Variants in RAD51B observed in about 807,000 individuals in gnomAD.
RAD51B encodes RAD51 paralog B.
In RAD51B, 38 loss-of-function variants were observed where a neutral mutation model predicts 42.2. The ratio of observed to expected loss-of-function variants is 0.90; its 90% confidence interval spans 0.70 to 1.18. The LOEUF (loss-of-function observed/expected upper bound fraction) is 1.18, where lower values mean the gene tolerates loss of function less well. Among genes scored for constraint, RAD51B ranks in the 50% most tolerant of loss-of-function variants. The pLI is 0.00. For missense variants in RAD51B, 373 were observed against 400.7 expected (o/e 0.93, Z 0.59); for synonymous variants, 154 against 145.2 (o/e 1.06, Z -0.43).
chr14:67,835,510 T>TATAC (rs1271323508), intron 4 of RAD51B, among the ~76,000 whole-genome samples: 1 of 151,760 alleles, frequency 6.6e-6, no homozygotes, highest in East Asian at 1.9e-4. Flanking sequence ...ATATGTTATA[T>TATAC]ATACATACAT....
chr14:67,929,799 T>C (rs2140153908), intron 7 of RAD51B, among the ~76,000 whole-genome samples: 1 of 151,856 alleles, frequency 6.6e-6, no homozygotes, highest in South Asian at 2.1e-4. Flanking sequence ...TGTCTTTCTG[T>C]GTCTTTTTTT....
chr14:68,276,935 G>C (rs955737174), intron 7 of RAD51B, among the ~76,000 whole-genome samples: 1 of 152,174 alleles, frequency 6.6e-6, no homozygotes, highest in African/African-American at 2.4e-5. Context: ...AAAGGATGTC[G>C]GGGAGCAGGT....
intron 7 of RAD51B, among the ~76,000 whole-genome samples, chr14:68,257,202 G>A (rs2139524816): frequency 6.6e-6 from 1 of 152,268 alleles, no homozygotes; most frequent in Non-Finnish European, 1.5e-5. Flanking sequence ...CTTGGGGAAG[G>A]ATGAATGGGG....
intron 8 of RAD51B, among the ~76,000 whole-genome samples, chr14:68,304,540 G>C (rs1397715334): frequency 6.6e-6 from 1 of 152,192 alleles, no homozygotes; most frequent in African/African-American, 2.4e-5. Flanking sequence ...AGGTTTCCAT[G>C]CATCACTATA....
chr14:68,558,897 A>G (rs1888996534), intron 10 of RAD51B, among the ~76,000 whole-genome samples: 2 of 152,128 alleles, frequency 1.3e-5, no homozygotes, highest in Non-Finnish European at 2.9e-5. Flanking sequence ...CTTTTTGTCC[A>G]TGGCCTTATA....
chr14:68,132,746 T>G (rs986062698), intron 7 of RAD51B, among the ~76,000 whole-genome samples: 1 of 152,240 alleles, frequency 6.6e-6, no homozygotes, highest in Non-Finnish European at 1.5e-5. Flanking sequence ...GAGTATTAGC[T>G]CATTTTCCCT....
At chr14:68,592,261 G>C (rs946809334) in intron 10 of RAD51B, among the ~76,000 whole-genome samples, 5 of 147,384 alleles carry the variant, frequency 3.4e-5, no homozygotes, top group African/African-American at 1.3e-4. Flanking sequence ...TGATGTGTGT[G>C]TGTGTGTGTG....
chr14:68,232,730 A>G (rs1016787247), intron 7 of RAD51B, among the ~76,000 whole-genome samples: 2 of 152,256 alleles, frequency 1.3e-5, no homozygotes, highest in Admixed American at 6.5e-5. Context: ...AGAGGACCAT[A>G]GCAAGCCAGC....
chr14:68,575,055 A>G (rs1889900646), intron 10 of RAD51B, among the ~76,000 whole-genome samples: 2 of 152,184 alleles, frequency 1.3e-5, no homozygotes, highest in Non-Finnish European at 2.9e-5. Flanking sequence ...CTTTTTCTCT[A>G]GTGGGAAGCC....
intron 7 of RAD51B, among the ~76,000 whole-genome samples, chr14:67,969,159 G>T (rs1237968144): frequency 6.6e-6 from 1 of 152,128 alleles, no homozygotes; most frequent in Non-Finnish European, 1.5e-5. Context: ...CTCCCACAAC[G>T]TGTAGGAATT....
chr14:68,525,560 C>A (rs1225381790), intron 10 of RAD51B, among the ~76,000 whole-genome samples: 2 of 152,226 alleles, frequency 1.3e-5, no homozygotes, highest in Non-Finnish European at 2.9e-5. Flanking sequence ...TGGCTAAGCC[C>A]CACCTGCATA....
At chr14:68,485,068 C>CATGTTGGAA (rs1566909454) in intron 10 of RAD51B, among the ~76,000 whole-genome samples, 6 of 152,152 alleles carry the variant, frequency 3.9e-5, no homozygotes, top group African/African-American at 1.4e-4. Context: ...ATAAGGAAGT[C>CATGTTGGAA]GCTGAAAACA....
chr14:67,825,351 T>A (rs774023243), intron 2 of RAD51B, 113 bp from the exon 3 acceptor site: 20 of 621,534 alleles, frequency 3.2e-5, no homozygotes, highest in Admixed American at 6.8e-5. Flanking sequence ...ATCTTTGATC[T>A]GCGATAAATT....
At chr14:68,250,939 T>C (rs2080616130) in intron 7 of RAD51B, among the ~76,000 whole-genome samples, 1 of 152,216 alleles carries the variant, frequency 6.6e-6, no homozygotes, top group Non-Finnish European at 1.5e-5. Context: ...CAGTTTACCA[T>C]GGTTTTCAGT....
chr14:68,429,282 G>C (rs2084938728), intron 9 of RAD51B, among the ~76,000 whole-genome samples: 1 of 152,166 alleles, frequency 6.6e-6, no homozygotes, highest in Admixed American at 6.5e-5. Context: ...TAATGGGATG[G>C]CTGGGTCAAA....
chr14:68,536,081 C>T (rs1239007748), intron 10 of RAD51B, among the ~76,000 whole-genome samples: 1 of 152,168 alleles, frequency 6.6e-6, no homozygotes, highest in African/African-American at 2.4e-5. Context: ...AAACACAAGG[C>T]TCACAAGAGT....
chr14:68,302,980 G>A (rs2081777543), intron 8 of RAD51B, among the ~76,000 whole-genome samples: 1 of 152,196 alleles, frequency 6.6e-6, no homozygotes, highest in Non-Finnish European at 1.5e-5. Flanking sequence ...CAGTTTTGGG[G>A]CCAGTTTATG....
chr14:68,443,040 T>G (rs753550983), intron 9 of RAD51B, among the ~76,000 whole-genome samples: 4 of 152,222 alleles, frequency 2.6e-5, no homozygotes, highest in Non-Finnish European at 1.5e-5. Context: ...GTCCTGGTTT[T>G]GGTTTCTTTC....
Position 68,136,408 on chromosome 14 carries a change from T to TGC in RAD51B, c.757-155476_757-155475insGC, listed in dbSNP as rs1212773813. Among the ~76,000 whole-genome samples, 288 of 66,574 alleles carry TGC rather than the reference T, an allele frequency of 4.3e-3. 47 individuals carry two copies. Among genetic ancestry groups the TGC allele is most frequent in the East Asian group, 6.4e-3 (6 of 936 alleles). 43.7% of individuals were successfully genotyped at this position (66,574 alleles called of 152,430 possible). A position where few individuals can be genotyped will look rare whatever the true frequency, so the allele number is the denominator to read the frequency against. On this transcript the variant is annotated intron_variant, in intron 7 of 10. Coordinates refer to ENST00000471583, the MANE Select transcript of RAD51B (RefSeq NM_133510.4). ...TCCTGTCCAACATGGTGAAACCCCA[T>TGC]CTCTACTAAAAATACAAAAATTAGC...
Sources: gnomAD v4.1 joint callset for allele counts (sites outside exome capture counted in the v4.1 genomes callset) on GRCh38, gnomAD v4.1.1 for gene constraint, MANE v1.5 for transcripts, NCBI Gene and HGNC (gene_info 2026-07-23, HGNC 2026-07-21) for gene names.